CABP7: variants seen among roughly 807,000 people sequenced by gnomAD.
CABP7 encodes the protein calcium binding protein 7.
CABP7 carries 13 observed loss-of-function variants against 23.1 expected under a neutral mutation model. The ratio of observed to expected loss-of-function variants is 0.56; its 90% CI spans 0.37 to 0.90. CABP7 has a LOEUF of 0.90. Ranked by LOEUF, CABP7 falls within the 40% of genes least tolerant of loss-of-function variation. CABP7 has a pLI of 0.01. For synonymous variants in CABP7, 123 were observed against 115.3 expected, an observed-to-expected ratio of 1.07 and a Z score of -0.43; for missense variants, 248 against 295.6, an observed-to-expected ratio of 0.84 and a Z score of 1.18.
chr22:29,731,331 A>G lies in CABP7; in HGVS notation c.*1762A>G. The G allele has an allele frequency of 6.5e-7, 1 of 1,538,840 alleles. No homozygotes were observed. The highest frequency in any genetic ancestry group is 8.7e-7 in the Non-Finnish European group (1 of 1,152,884). ...TGGCCAGCCCACGGGGTACTGGAAGACAGTGGTTCTGATGGGTTCAGCCCT... is the reference window on the plus strand; with the variant it reads ...TGGCCAGCCCACGGGGTACTGGAAGGCAGTGGTTCTGATGGGTTCAGCCCT... On this transcript the variant is annotated 3_prime_UTR_variant, in exon 5 of 5. Coordinates refer to ENST00000216144, the MANE Select transcript of CABP7 (RefSeq NM_182527.3).
In CABP7 at chr22:29,720,597, G is replaced by T; in HGVS notation, c.109+64G>T. On this transcript the variant is annotated intron_variant, in intron 1 of 4. Coordinates refer to ENST00000216144, the MANE Select transcript of CABP7 (RefSeq NM_182527.3). This position sits in a 1 kb window ranked among gnomAD's most constrained non-coding sequence, Gnocchi z 5.2. ...TACCTGTGCGCCCAGGTGAAGCGCG[G>T]GCCAGGGGCGCGGGGGCGGGGGGCG... is the stretch of plus-strand genomic sequence containing the variant. 9.1e-7 allele frequency: 1 copy of T among 1,103,674 alleles called. No individual in the cohort carries two copies. 68.4% of individuals were successfully genotyped at this position (1,103,674 alleles called of 1,614,324 possible).
intron 3 of CABP7, 64 bp downstream of exon 3, chr22:29,728,806 G>A: frequency 8.0e-7 from 1 of 1,243,344 alleles, no homozygotes; most frequent in Admixed American, 1.8e-5. Flanking sequence ...TGGAGCCAGT[G>A]AATGGCTGGG....
intron 1 of CABP7, among the ~76,000 whole-genome samples, chr22:29,721,447 C>G (rs2067761436): frequency 1.3e-5 from 2 of 152,090 alleles, no homozygotes; most frequent in Non-Finnish European, 1.5e-5. Context: ...AGTGGGGGAT[C>G]TGGGCTGATG....
chr22:29,724,023 C>T (rs1165363214), intron 1 of CABP7, among the ~76,000 whole-genome samples: 1 of 152,216 alleles, frequency 6.6e-6, no homozygotes. Context: ...CCATTGCCAG[C>T]ATCCTCATGC....
At chr22:29,721,832 G>C (rs1171217284) in intron 1 of CABP7, among the ~76,000 whole-genome samples, 1 of 152,172 alleles carries the variant, frequency 6.6e-6, no homozygotes, top group African/African-American at 2.4e-5. Context: ...GTGGAGACAG[G>C]GTCTGGGGTC....
chr22:29,727,877 G>A lies in CABP7; in HGVS notation c.253+72G>A. 5.9e-6 allele frequency: 9 copies of A among 1,520,286 alleles called. No homozygotes were observed. The highest frequency in any genetic ancestry group is 8.0e-6 in the Non-Finnish European group (9 of 1,126,332). The allele number at this position is 1,520,286 out of a possible 1,614,324, so 94.2% of individuals were successfully genotyped here. A position where few individuals can be genotyped will look rare whatever the true frequency, so the allele number is the denominator to read the frequency against. ...GGGGGTGGGGCAGGGGCTGGGGCCT[G>A]AGCTGCTGAGGCTGCATCCAAATTG... On this transcript the variant is annotated intron_variant, in intron 2 of 4. Transcript: ENST00000216144. The surrounding 1 kb of genome is among the most constrained non-coding windows in gnomAD (Gnocchi z 4.2).
chr22:29,721,733 C>A (rs1255415597), intron 1 of CABP7, among the ~76,000 whole-genome samples: 2 of 152,164 alleles, frequency 1.3e-5, no homozygotes, highest in African/African-American at 2.4e-5. Flanking sequence ...AGAGAGAAGG[C>A]AGCCTCTGCC....
chr22:29,722,532 A>G (rs931801638), intron 1 of CABP7, among the ~76,000 whole-genome samples: 2 of 152,254 alleles, frequency 1.3e-5, no homozygotes, highest in African/African-American at 4.8e-5. Context: ...GGGTGGTCCC[A>G]GCTCATCTCT....
chr22:29,723,136 C>G (rs925489574), intron 1 of CABP7, among the ~76,000 whole-genome samples: 1 of 152,106 alleles, frequency 6.6e-6, no homozygotes, highest in South Asian at 2.1e-4. Context: ...GGAGGCCCTG[C>G]GGGGGTAAGA....
Position 29,720,706 on chromosome 22 carries a change from G to A in CABP7, c.109+173G>A, listed in dbSNP as rs1332620363. Among the ~76,000 whole-genome samples, 1 of 151,612 alleles carries A rather than the reference G, an allele frequency of 6.6e-6. No homozygotes were observed. Among genetic ancestry groups the A allele is most frequent in the Non-Finnish European group, 1.5e-5 (1 of 67,850 alleles). Reference sequence around the variant, plus strand: ...GCGGCAAGACCTGTCCGCACCCCGGGGCGCCGCGGTGGGGGTCGCTCAGGC... The same window carrying A: ...GCGGCAAGACCTGTCCGCACCCCGGAGCGCCGCGGTGGGGGTCGCTCAGGC... On this transcript the variant is annotated intron_variant, in intron 1 of 4. Transcript: ENST00000216144. The surrounding 1 kb of genome is among the most constrained non-coding windows in gnomAD (Gnocchi z 5.2).
Position 29,727,904 on chromosome 22 carries a change from G to A in CABP7, c.253+99G>A. 1.5e-6 allele frequency: 2 copies of A among 1,361,950 alleles called. No individual in the cohort carries two copies. Among genetic ancestry groups the A allele is most frequent in the Non-Finnish European group, 2.0e-6 (2 of 1,012,390 alleles). The allele number at this position is 1,361,950 out of a possible 1,614,324, so 84.4% of individuals were successfully genotyped here. On this transcript the variant is annotated intron_variant, in intron 2 of 4. Coordinates refer to ENST00000216144, the MANE Select transcript of CABP7 (RefSeq NM_182527.3). The surrounding 1 kb of genome is among the most constrained non-coding windows in gnomAD (Gnocchi z 4.2). ...GCTGCTGAGGCTGCATCCAAATTGG[G>A]TCTCTCGCTCCCCTGACTCCCACCC...
chr22:29,722,429 CTGG>C (rs1313784370), intron 1 of CABP7, among the ~76,000 whole-genome samples: 1 of 152,262 alleles, frequency 6.6e-6, no homozygotes, highest in Non-Finnish European at 1.5e-5. Flanking sequence ...CTCCTGGGCC[CTGG>C]GGAGCTGAGG....
Position 29,729,352 on chromosome 22 carries a change from G to T in CABP7, c.521-90G>T. The T allele has an allele frequency of 1.9e-6, 3 of 1,578,736 alleles. No homozygotes were observed. In the South Asian group the frequency reaches 3.5e-5, roughly 18 times the overall value. Reference sequence around the variant, plus strand: ...GTCCCATTGGGGCACCCCATGGGATGAGCCCATGTGCCGAAGGGCAGGCGG... The same window carrying T: ...GTCCCATTGGGGCACCCCATGGGATTAGCCCATGTGCCGAAGGGCAGGCGG... On this transcript the variant is annotated intron_variant, in intron 4 of 4. Transcript: ENST00000216144.
chr22:29,729,713 C>A lies in CABP7; in HGVS notation c.*144C>A. ...GCCTGGGTATCCAGCGAGCCCTCCC[C>A]ACCCACCCACGGTCCTCACCTGGAG... On this transcript the variant is annotated 3_prime_UTR_variant, in exon 5 of 5. Transcript: ENST00000216144. 1 of 1,052,430 alleles carries A rather than the reference C, an allele frequency of 9.5e-7. No individual in the cohort carries two copies. The allele number at this position is 1,052,430 out of a possible 1,614,324, so 65.2% of individuals were successfully genotyped here.
intron 4 of CABP7, 25 bp from the exon 5 acceptor site, chr22:29,729,417 C>T (rs755256496): frequency 2.4e-5 from 39 of 1,606,206 alleles, no homozygotes; most frequent in Admixed American, 3.3e-5. Context: ...TCTGTCTCCC[C>T]GGTGCTCCCG....
Position 29,731,661 on chromosome 22 carries a change from T to C in CABP7, c.*2092T>C, listed in dbSNP as rs982902660. 1 of 325,148 alleles carries C rather than the reference T, an allele frequency of 3.1e-6. No homozygotes were observed. Among genetic ancestry groups the C allele is most frequent in the Admixed American group, 5.5e-5 (1 of 18,036 alleles). The allele number at this position is 325,148 out of a possible 1,614,324, so 20.1% of individuals were successfully genotyped here. Reference sequence around the variant, plus strand: ...TGCACGTCCACAGCAGAGAATGCCATGCGGCCTGTGTAAGAATTAAGGCAG... The same window carrying C: ...TGCACGTCCACAGCAGAGAATGCCACGCGGCCTGTGTAAGAATTAAGGCAG... On this transcript the variant is annotated 3_prime_UTR_variant, in exon 5 of 5. Coordinates refer to ENST00000216144, the MANE Select transcript of CABP7 (RefSeq NM_182527.3).
rs372485904 is a variant in CABP7, at chr22:29,727,648, C to T, written c.110-14C>T. ...ACCGGGGTGAAGTCCCAGCCTACTC[C>T]ATTCTCTCCTCAGAGATCCGAGAGG... On this transcript the variant is annotated splice_polypyrimidine_tract_variant and intron_variant, in intron 1 of 4. Transcript: ENST00000216144. The surrounding 1 kb of genome is among the most constrained non-coding windows in gnomAD (Gnocchi z 4.2). 2 of 1,613,606 alleles carry T rather than the reference C, an allele frequency of 1.2e-6. No homozygotes were observed. The highest frequency in any genetic ancestry group is 1.7e-6 in the Non-Finnish European group (2 of 1,179,888).
chr22:29,723,368 ACT>A (rs1398624515), intron 1 of CABP7, among the ~76,000 whole-genome samples: 1 of 152,060 alleles, frequency 6.6e-6, no homozygotes, highest in Non-Finnish European at 1.5e-5. Context: ...ACAGGCACGG[ACT>A]CTCTTAGATC....
Position 29,729,614 on chromosome 22 carries a change from C to T in CABP7, c.*45C>T, listed in dbSNP as rs377500141. 51 of 1,596,552 alleles carry T rather than the reference C, an allele frequency of 3.2e-5. 1 individual carries two copies. The South Asian group carries it at 3.2e-4, about 10-fold the overall frequency. On this transcript the variant is annotated 3_prime_UTR_variant, in exon 5 of 5. Coordinates refer to ENST00000216144, the MANE Select transcript of CABP7 (RefSeq NM_182527.3). The stretch of plus-strand genomic sequence containing the variant: ...TCCACCGCATGCGGTGCCCGTGGCC[C>T]GCCCCACACCACCGCCGCCTGCAGA...
Sources: gnomAD v4.1 joint callset for allele counts (sites outside exome capture counted in the v4.1 genomes callset) on GRCh38, gnomAD v4.1.1 for gene constraint, Gnocchi (gnomAD v3.1) non-coding constraint, MANE v1.5 for transcripts, NCBI Gene and HGNC (gene_info 2026-07-23, HGNC 2026-07-21) for gene names.